Variants in SUCLG2 observed in about 807,000 individuals in gnomAD.
The protein encoded by SUCLG2 is succinate--CoA ligase [GDP-forming] subunit beta, mitochondrial.
A neutral mutation model predicts 47.9 loss-of-function variants in SUCLG2; 42 were observed. The ratio of observed to expected loss-of-function variants is 0.88; its 90% CI spans 0.69 to 1.14. The LOEUF (loss-of-function observed/expected upper bound fraction) is 1.14. SUCLG2 is among the 50% of genes most tolerant of loss of function. SUCLG2 has a pLI of 0.00. For synonymous variants in SUCLG2, 195 were observed against 197.3 expected (o/e 0.99, Z 0.10); for missense variants, 571 against 525.9 (o/e 1.09, Z -0.84).
chr3:67,616,518 C>T (rs1014973137), intron 1 of SUCLG2, among the ~76,000 whole-genome samples: 1 of 151,946 alleles, frequency 6.6e-6, no homozygotes, highest in Non-Finnish European at 1.5e-5. Context: ...AAGGGCAGAC[C>T]AAGAAATTTC....
chr3:67,518,479 C>T (rs1327620336), intron 5 of SUCLG2, 143 bp from the exon 6 acceptor site: 5 of 694,680 alleles, frequency 7.2e-6, no homozygotes, highest in Non-Finnish European at 9.2e-6. Flanking sequence ...AGGGCTACCG[C>T]AGATGCCTGT....
intron 1 of SUCLG2, among the ~76,000 whole-genome samples, chr3:67,651,966 T>A (rs966302766): frequency 6.6e-6 from 1 of 152,088 alleles, no homozygotes; most frequent in Non-Finnish European, 1.5e-5. Context: ...CCCACCTCCA[T>A]TAAAATAAAG....
Position 67,511,920 on chromosome 3 carries a change from G to A in SUCLG2, c.661-3017C>T, listed in dbSNP as rs548698616. 1.3e-5 allele frequency among the ~76,000 whole-genome samples: 2 copies of A among 150,686 alleles called. 1 individual carries two copies. Among genetic ancestry groups the A allele is most frequent in the African/African-American group, 5.0e-5 (2 of 40,256 alleles). ...GACTGGAGCGTACTGGCATAATCAT[G>A]GCTCACTGCAGCCTTGAACTCCTGG... On this transcript the variant is annotated intron_variant, in intron 6 of 10. Coordinates refer to ENST00000307227, the MANE Select transcript of SUCLG2 (RefSeq NM_003848.4).
chr3:67,542,413 C>A (rs1162854786), intron 2 of SUCLG2, among the ~76,000 whole-genome samples: 1 of 152,140 alleles, frequency 6.6e-6, no homozygotes, highest in East Asian at 1.9e-4. Flanking sequence ...TATGAAGAAA[C>A]TGCATCAACT....
At chr3:67,493,082 T>C (rs904243247) in intron 9 of SUCLG2, among the ~76,000 whole-genome samples, 5 of 152,186 alleles carry the variant, frequency 3.3e-5, no homozygotes, top group Admixed American at 1.3e-4. Context: ...ATTGACACCT[T>C]TGAAATAATT....
intron 9 of SUCLG2, among the ~76,000 whole-genome samples, chr3:67,413,586 T>C (rs757863061): frequency 5.3e-5 from 8 of 152,238 alleles, no homozygotes; most frequent in Non-Finnish European, 7.3e-5. Flanking sequence ...AACTGTGTCA[T>C]TGAGCTGTTA....
At chr3:67,568,199 A>G (rs1335596683) in intron 2 of SUCLG2, among the ~76,000 whole-genome samples, 11 of 152,218 alleles carry the variant, frequency 7.2e-5, no homozygotes, top group Admixed American at 7.2e-4. Context: ...ATGTGACACA[A>G]AAGACAAGAG....
At chr3:67,563,397 A>G (rs1252796886) in intron 2 of SUCLG2, among the ~76,000 whole-genome samples, 3 of 152,202 alleles carry the variant, frequency 2.0e-5, no homozygotes, top group Non-Finnish European at 4.4e-5. Flanking sequence ...CTAGCTCAGA[A>G]TAACACATTT....
At position 67,592,663 on chromosome 3, in the gene SUCLG2, T is replaced by C. The variant is rs144879085; in HGVS notation, c.226+16792A>G. 4.0e-5 allele frequency among the ~76,000 whole-genome samples: 5 copies of C among 125,232 alleles called. No individual in the cohort carries two copies. The East Asian group carries it at 1.2e-3, about 31-fold the overall frequency. 82.2% of individuals were successfully genotyped at this position (125,232 alleles called of 152,430 possible). On this transcript the variant is annotated intron_variant, in intron 2 of 10. Transcript: ENST00000307227. ...TTATTCAAGACATCAACTCAACAAGTGGGAAAAGACATTGGTAATATCTAA... is the reference window on the plus strand; with the variant it reads ...TTATTCAAGACATCAACTCAACAAGCGGGAAAAGACATTGGTAATATCTAA...
chr3:67,407,895 A>G (rs1323582245), intron 9 of SUCLG2, among the ~76,000 whole-genome samples: 2 of 152,162 alleles, frequency 1.3e-5, no homozygotes, highest in African/African-American at 4.8e-5. Context: ...CATGTCTTCT[A>G]ATCCACTGGC....
intron 9 of SUCLG2, among the ~76,000 whole-genome samples, chr3:67,444,788 C>T (rs1443692226): frequency 1.5e-3 from 26 of 17,664 alleles, no homozygotes; most frequent in African/African-American, 6.5e-3. Context: ...CCCCTCTGCC[C>T]GGCCAGCCGC....
chr3:67,394,816 C>T (rs1365447196), intron 10 of SUCLG2, among the ~76,000 whole-genome samples: 5 of 151,764 alleles, frequency 3.3e-5, no homozygotes, highest in South Asian at 4.2e-4. Flanking sequence ...AGACTAACAG[C>T]GGATCTCTCG....
intron 10 of SUCLG2, chr3:67,376,109 C>G (rs1344580365): frequency 1.0e-6 from 1 of 985,312 alleles, no homozygotes; most frequent in Non-Finnish European, 1.2e-6. Flanking sequence ...CTGATGGAAG[C>G]TGAGTTGTCT....
intron 2 of SUCLG2, among the ~76,000 whole-genome samples, chr3:67,548,044 T>C (rs576110795): frequency 1.3e-5 from 2 of 152,150 alleles, no homozygotes; most frequent in Non-Finnish European, 2.9e-5. Context: ...AATCATCACT[T>C]CCTTTACTCT....
intron 9 of SUCLG2, among the ~76,000 whole-genome samples, chr3:67,453,743 A>G (rs1704113324): frequency 6.6e-6 from 1 of 152,244 alleles, no homozygotes; most frequent in Admixed American, 6.5e-5. Context: ...ATTCCTTAAT[A>G]GAGGGGCCAC....
intron 9 of SUCLG2, among the ~76,000 whole-genome samples, chr3:67,407,472 C>T (rs1702840897): frequency 1.3e-5 from 2 of 152,132 alleles, no homozygotes; most frequent in Non-Finnish European, 2.9e-5. Flanking sequence ...TTACCTTTAA[C>T]AAGTTCATAG....
intron 2 of SUCLG2, among the ~76,000 whole-genome samples, chr3:67,562,528 G>C (rs1378373758): frequency 1.3e-5 from 2 of 152,098 alleles, no homozygotes; most frequent in Non-Finnish European, 2.9e-5. Context: ...TCCACCTGCC[G>C]CAGCCTCCCA....
intron 9 of SUCLG2, among the ~76,000 whole-genome samples, chr3:67,494,337 C>T (rs1441155154): frequency 6.6e-6 from 1 of 152,126 alleles, no homozygotes; most frequent in Non-Finnish European, 1.5e-5. Context: ...GACAATGATT[C>T]TCAAATAAAA....
chr3:67,541,942 C>T (rs373472406), intron 2 of SUCLG2, among the ~76,000 whole-genome samples: 166 of 151,612 alleles, frequency 1.1e-3, no homozygotes, highest in Middle Eastern at 0.01. Flanking sequence ...AATCTTGGCT[C>T]GCTGCAACCT....
Sources: gnomAD v4.1 joint callset for allele counts (sites outside exome capture counted in the v4.1 genomes callset) on GRCh38, gnomAD v4.1.1 for gene constraint, MANE v1.5 for transcripts, NCBI Gene and HGNC (gene_info 2026-07-23, HGNC 2026-07-21) for gene names.